P2RX7: variants seen among roughly 807,000 people sequenced by gnomAD.
The protein encoded by P2RX7 is P2X purinoceptor 7.
A neutral mutation model predicts 71.6 loss-of-function variants in P2RX7; 62 were observed. That is an observed-to-expected ratio of 0.87 (90% CI 0.71 to 1.07). The LOEUF (loss-of-function observed/expected upper bound fraction) is 1.07. Among genes scored for constraint, P2RX7 ranks in the 50% least tolerant of loss-of-function variants. P2RX7 has a pLI of 0.00. For missense variants in P2RX7, 686 were observed against 748.5 expected (o/e 0.92, Z 0.97); for synonymous variants, 299 against 283.3 (o/e 1.06, Z -0.56).
At chr12:121,141,607 T>C (rs1366136407) in intron 1 of P2RX7, among the ~76,000 whole-genome samples, 1 of 152,152 alleles carries the variant, frequency 6.6e-6, no homozygotes, top group Non-Finnish European at 1.5e-5. Context: ...TATTAGAAAA[T>C]ATTGAAACAT....
intron 12 of P2RX7, among the ~76,000 whole-genome samples, chr12:121,183,555 A>G (rs571072168): frequency 4.2e-5 from 6 of 141,560 alleles, no homozygotes; most frequent in Non-Finnish European, 9.1e-5. Flanking sequence ...TGGGAGACAG[A>G]GCAAGACTCC....
At chr12:121,141,914 C>A (rs367887893) in intron 1 of P2RX7, among the ~76,000 whole-genome samples, 87 of 152,308 alleles carry the variant, frequency 5.7e-4, no homozygotes, top group African/African-American at 2.0e-3. Flanking sequence ...AGCTAGGACA[C>A]AACAGGAGAC....
intron 1 of P2RX7, among the ~76,000 whole-genome samples, chr12:121,136,646 T>C (rs1367564151): frequency 7.2e-6 from 1 of 139,616 alleles, no homozygotes; most frequent in Non-Finnish European, 1.5e-5. Flanking sequence ...TTTCTTTCTT[T>C]CTTTTTTTTT....
chr12:121,175,326 A>G (rs1487843369), intron 8 of P2RX7, 62 bp from the exon 9 acceptor site: 2 of 1,025,170 alleles, frequency 2.0e-6, no homozygotes, highest in South Asian at 3.0e-5. Flanking sequence ...AAAAAAAAAA[A>G]AAACCCAAAA....
At chr12:121,144,245 T>C (rs10849848) in intron 1 of P2RX7, among the ~76,000 whole-genome samples, 15,000 of 152,250 alleles carry the variant, frequency 0.099, 1,263 homozygotes, top group East Asian at 0.26. Flanking sequence ...TCGCCCAGGC[T>C]GGAGTGCAGT....
At chr12:121,146,878 C>T (rs7973360) in intron 1 of P2RX7, among the ~76,000 whole-genome samples, 10,614 of 152,132 alleles carry the variant, frequency 0.07, 598 homozygotes, top group Non-Finnish European at 0.095. Context: ...CGCTGCTGTT[C>T]GACATTGTAC....
At chr12:121,135,670 G>A (rs184764349) in intron 1 of P2RX7, among the ~76,000 whole-genome samples, 4 of 151,734 alleles carry the variant, frequency 2.6e-5, no homozygotes, top group Non-Finnish European at 4.4e-5. Flanking sequence ...ATTATTATTC[G>A]ATTCATATGT....
chr12:121,169,256 T>C (rs1881705263), intron 8 of P2RX7, among the ~76,000 whole-genome samples: 1 of 152,214 alleles, frequency 6.6e-6, no homozygotes, highest in African/African-American at 2.4e-5. Flanking sequence ...TGTAAGCCAC[T>C]GCACCTGGCC....
chr12:121,165,020 A>G (rs953626264), intron 5 of P2RX7, among the ~76,000 whole-genome samples: 44 of 152,096 alleles, frequency 2.9e-4, no homozygotes, highest in African/African-American at 1.0e-3. Flanking sequence ...ACTCACTATC[A>G]CAAGAACAGC....
chr12:121,163,327 T>TAC (rs113687409), intron 5 of P2RX7, among the ~76,000 whole-genome samples: 12,179 of 145,182 alleles, frequency 0.084, 521 homozygotes, highest in South Asian at 0.1. Flanking sequence ...ATGCCTGGCT[T>TAC]ACACACACAC....
At chr12:121,156,261 C>A in intron 3 of P2RX7, 114 bp downstream of exon 3, 1 of 787,330 alleles carries the variant, frequency 1.3e-6, no homozygotes. Flanking sequence ...CAGATATCTA[C>A]TGAGCACCTG....
chr12:121,136,041 T>TATATAC (rs1396451841), intron 1 of P2RX7, among the ~76,000 whole-genome samples: 1 of 107,986 alleles, frequency 9.3e-6, no homozygotes. Context: ...TATATATATA[T>TATATAC]AGTATTTTTA....
chr12:121,158,484 T>C (rs1879025494), intron 3 of P2RX7, among the ~76,000 whole-genome samples: 1 of 152,234 alleles, frequency 6.6e-6, no homozygotes. Context: ...TAATAGTGGC[T>C]CAGGTTCCTC....
At chr12:121,161,629 T>TA (rs1352034888) in intron 4 of P2RX7, among the ~76,000 whole-genome samples, 26 of 151,828 alleles carry the variant, frequency 1.7e-4, no homozygotes, top group South Asian at 6.3e-4. Flanking sequence ...CCGTCTCTAC[T>TA]AAAAATACAA....
intron 12 of P2RX7, among the ~76,000 whole-genome samples, 160 bp downstream of exon 12, chr12:121,180,615 G>A (rs997230386): frequency 7.9e-5 from 12 of 151,934 alleles, no homozygotes; most frequent in African/African-American, 2.9e-4. Flanking sequence ...ATTACTAGCA[G>A]GAGTCCCTTT....
rs1311132488 is a variant in P2RX7 at position 121,133,067 on chromosome 12, T to C, written c.97T>C (p.Phe33Leu). The C allele has an allele frequency of 6.2e-7, 1 of 1,614,084 alleles. No individual in the cohort carries two copies. Among genetic ancestry groups the C allele is most frequent in the Non-Finnish European group, 8.5e-7 (1 of 1,180,020 alleles). The change falls in exon 1 of 13, where the codon TTC becomes CTC. Residue 33 changes from phenylalanine to leucine, a missense_variant. Physicochemically the swap from Phe to Leu is conservative, Grantham distance 22. Transcript: ENST00000328963. ...GAATTATGGCACCATTAAGTGGTTCTTCCACGTGATCATCTTTTCCTACGT... is the reference window on the plus strand; with the variant it reads ...GAATTATGGCACCATTAAGTGGTTCCTCCACGTGATCATCTTTTCCTACGT... ...SMNYGTIKWF[F>L]HVIIFSYVCF...
intron 12 of P2RX7, among the ~76,000 whole-genome samples, chr12:121,184,064 C>CT (rs1884578299): frequency 7.7e-6 from 1 of 129,188 alleles, no homozygotes; most frequent in African/African-American, 2.9e-5. Flanking sequence ...GACCCTCTCT[C>CT]AAAAAAAAAA....
intron 5 of P2RX7, among the ~76,000 whole-genome samples, chr12:121,164,654 C>A (rs1168039824): frequency 6.6e-6 from 1 of 152,098 alleles, no homozygotes; most frequent in African/African-American, 2.4e-5. Flanking sequence ...TGGTGGCACA[C>A]GCCTGTAATC....
chr12:121,156,778 A>G (rs1878660048), intron 3 of P2RX7, among the ~76,000 whole-genome samples: 1 of 152,122 alleles, frequency 6.6e-6, no homozygotes, highest in Non-Finnish European at 1.5e-5. Flanking sequence ...CCACCACCCC[A>G]GACAATCTTT....
Sources: gnomAD v4.1 joint callset for allele counts (sites outside exome capture counted in the v4.1 genomes callset) on GRCh38, gnomAD v4.1.1 for gene constraint, MANE v1.5 for transcripts, NCBI Gene and HGNC (gene_info 2026-07-23, HGNC 2026-07-21) for gene names.